ZBED6: variants seen among roughly 807,000 people sequenced by gnomAD.
ZBED6 encodes the protein zinc finger BED-type containing 6.
A neutral mutation model predicts 58.4 loss-of-function variants in ZBED6; 40 were observed. The ratio of observed to expected loss-of-function variants is 0.68; its 90% CI spans 0.53 to 0.89. The LOEUF (loss-of-function observed/expected upper bound fraction) is 0.89, where lower values mean the gene tolerates loss of function less well. Ranked by LOEUF, ZBED6 falls within the 40% of genes least tolerant of loss-of-function variation. The pLI is 0.00. For synonymous variants in ZBED6, 439 were observed against 350.6 expected (o/e 1.25, Z -2.82); for missense variants, 1,057 against 1,003.9 (o/e 1.05, Z -0.71).
intron 3 of ZBED6, among the ~76,000 whole-genome samples, chr1:203,825,428 A>ATTTT (rs59157538): frequency 1.2e-5 from 1 of 81,632 alleles, no homozygotes; most frequent in South Asian, 4.1e-4. Flanking sequence ...ACTGTGGAGG[A>ATTTT]TTTTTTTTTT....
exon 1 of ZBED6, chr1:203,796,578 C>T (rs1422015289): frequency 5.0e-6 from 2 of 397,720 alleles, no homozygotes; most frequent in Non-Finnish European, 8.9e-6. Flanking sequence ...GGCTGTGGAA[C>T]TAGAGATAGC....
intron 9 of ZBED6, among the ~76,000 whole-genome samples, chr1:203,834,517 C>T (rs6674694): frequency 0.54 from 82,550 of 152,012 alleles, 22,604 homozygotes; most frequent in African/African-American, 0.62. Flanking sequence ...AGTGATCTGT[C>T]GGCCTTGGCC....
chr1:203,846,431 C>T lies in ZBED6; in HGVS notation c.*3742-753C>T, dbSNP rs57994576. Among the ~76,000 whole-genome samples the T allele has an allele frequency of 1.8e-3, 281 of 152,202 alleles. 7 individuals carry two copies. In the East Asian group the frequency reaches 0.043, roughly 23 times the overall value. ...TTCTTCTATCTTGTCACCTGTTTTA[C>T]CTTCTTTTTATCCTTTAAATTTAAT... On this transcript the variant is annotated intron_variant, in intron 11 of 16. Coordinates refer to ENST00000550078, the Ensembl canonical transcript of ZBED6.
chr1:203,820,482 G>GTGTGTGTGTGTGTGTA (rs1266406820), intron 3 of ZBED6, among the ~76,000 whole-genome samples: 1 of 151,968 alleles, frequency 6.6e-6, no homozygotes, highest in East Asian at 1.9e-4. Flanking sequence ...GTGTGTGTGT[G>GTGTGTGTGTGTGTGTA]TATATTTTGA....
chr1:203,800,541 ATTATCT>A (rs1312563801), exon 1 of ZBED6: 6 of 1,323,638 alleles, frequency 4.5e-6, no homozygotes, highest in Admixed American at 6.4e-5. Flanking sequence ...AAATATAATC[ATTATCT>A]TTATAAACAC....
intron 3 of ZBED6, 89 bp downstream of exon 3, chr1:203,818,778 A>G (rs904405068): frequency 1.5e-5 from 24 of 1,591,250 alleles, no homozygotes; most frequent in Non-Finnish European, 1.9e-5. Context: ...ACTTTTAAAA[A>G]ATATATTAAG....
chr1:203,830,299 T>G, intron 7 of ZBED6, 96 bp downstream of exon 7: 1 of 949,336 alleles, frequency 1.1e-6, no homozygotes, highest in Admixed American at 2.5e-5. Flanking sequence ...GCAAATAGAT[T>G]TTCATTTCCA....
rs980282012 is a variant in ZBED6, at chr1:203,846,136, G to T, written c.*3742-1048G>T. On this transcript the variant is annotated intron_variant, in intron 11 of 16. Coordinates refer to ENST00000550078, the Ensembl canonical transcript of ZBED6. ...TTACCAAAAAAAAAAAAAAAAAAAA[G>T]ATTTTGAAAAGATATAATTTTTTTG... Among the ~76,000 whole-genome samples the T allele has an allele frequency of 4.2e-3, 467 of 110,540 alleles. 4 individuals carry two copies. Among genetic ancestry groups the T allele is most frequent in the Middle Eastern group, 0.04 (8 of 200 alleles). 72.5% of individuals were successfully genotyped at this position (110,540 alleles called of 152,430 possible).
intron 8 of ZBED6, 83 bp downstream of exon 8, chr1:203,831,854 T>A: frequency 8.8e-7 from 1 of 1,134,164 alleles, no homozygotes; most frequent in Non-Finnish European, 1.3e-6. Context: ...ATCTTTTACC[T>A]TTGATGAATT....
In ZBED6 at chr1:203,850,954, A is replaced by G. The variant is rs577363318; in HGVS notation, c.*4806-103A>G. The stretch of plus-strand genomic sequence containing the variant: ...TATCGATTCTTAGATTCACAGGCTT[A>G]AAGAATCATAGCCACAATTCTAAGA... On this transcript the variant is annotated intron_variant, in intron 15 of 16. Transcript: ENST00000550078. 774 of 1,375,974 alleles carry G rather than the reference A, an allele frequency of 5.6e-4. 10 individuals carry two copies. In the South Asian group the frequency reaches 8.2e-3, roughly 15 times the overall value. 85.2% of individuals were successfully genotyped at this position (1,375,974 alleles called of 1,614,324 possible).
At chr1:203,817,227 T>C in intron 2 of ZBED6, 103 bp downstream of exon 2, 1 of 901,232 alleles carries the variant, frequency 1.1e-6, no homozygotes, top group Non-Finnish European at 1.6e-6. Flanking sequence ...ATATATATTT[T>C]TTGCCCAACT....
intron 1 of ZBED6, among the ~76,000 whole-genome samples, chr1:203,809,301 G>T (rs544588846): frequency 6.9e-6 from 1 of 144,932 alleles, no homozygotes; most frequent in African/African-American, 2.6e-5. Context: ...TCAGCCTCCC[G>T]AGTAACTGGG....
chr1:203,833,013 C>T (rs1217731114), intron 8 of ZBED6, among the ~76,000 whole-genome samples: 2 of 151,934 alleles, frequency 1.3e-5, no homozygotes, highest in African/African-American at 2.4e-5. Context: ...GCGGGCGGAT[C>T]GCTTGAGGCC....
intron 3 of ZBED6, among the ~76,000 whole-genome samples, chr1:203,821,800 C>T (rs1265796711): frequency 6.6e-6 from 1 of 151,808 alleles, no homozygotes. Flanking sequence ...CTCTATCACC[C>T]AGGCTGGAGT....
At position 203,824,639 on chromosome 1, in the gene ZBED6, C is replaced by T. The variant is rs944809356; in HGVS notation, c.*2874-3660C>T. ...AACAGAGCTCTGCCTCCTTCTGATACTGTAAACAAGTGTCCTTTTCATGAT... is the reference window on the plus strand; with the variant it reads ...AACAGAGCTCTGCCTCCTTCTGATATTGTAAACAAGTGTCCTTTTCATGAT... On this transcript the variant is annotated intron_variant, in intron 3 of 16. Transcript: ENST00000550078. Among the ~76,000 whole-genome samples the T allele has an allele frequency of 2.6e-5, 4 of 152,032 alleles. No homozygotes were observed. The East Asian group carries it at 7.7e-4, about 29-fold the overall frequency.
intron 3 of ZBED6, among the ~76,000 whole-genome samples, chr1:203,825,582 C>T (rs1261738362): frequency 6.6e-6 from 1 of 151,878 alleles, no homozygotes; most frequent in South Asian, 2.1e-4. Context: ...CTACAGGCGC[C>T]CTCCACCATG....
At chr1:203,813,392 G>A (rs1675185795) in intron 1 of ZBED6, among the ~76,000 whole-genome samples, 1 of 151,882 alleles carries the variant, frequency 6.6e-6, no homozygotes, top group Non-Finnish European at 1.5e-5. Flanking sequence ...GGTTTTTATT[G>A]AAAACCAATT....
chr1:203,796,063 G>C (rs1219883789), exon 1 of ZBED6: 2 of 104,476 alleles, frequency 1.9e-5, no homozygotes, highest in Non-Finnish European at 3.8e-5. Context: ...CACGGCGCCT[G>C]CTCCTTTCCC....
In ZBED6 at chr1:203,799,862, CTT is replaced by C; in HGVS notation, c.2345_2346del (p.Phe782SerfsTer5). On this transcript the variant is annotated frameshift_variant, in exon 1 of 17. Coordinates refer to ENST00000550078, the Ensembl canonical transcript of ZBED6. LOFTEE classifies it high-confidence loss of function. The stretch of plus-strand genomic sequence containing the variant: ...CTTGCTTTAAAAACAGTTTGGAAGA[CTT>C]TTTTCCTCAAGGTGCTGATTTAGAA... 2 of 1,535,004 alleles carry C rather than the reference CTT, an allele frequency of 1.3e-6. No homozygotes were observed. Among genetic ancestry groups the C allele is most frequent in the Non-Finnish European group, 1.7e-6 (2 of 1,146,028 alleles).
Sources: gnomAD v4.1 joint callset for allele counts (sites outside exome capture counted in the v4.1 genomes callset) on GRCh38, gnomAD v4.1.1 for gene constraint, MANE v1.5 for transcripts, NCBI Gene and HGNC (gene_info 2026-07-23, HGNC 2026-07-21) for gene names.